The following GPC6 variants were observed in gnomAD, a reference collection of about 807,000 sequenced individuals.
The protein encoded by GPC6 is glypican-6.
A neutral mutation model predicts 55.2 loss-of-function variants in GPC6; 14 were observed. The ratio of observed to expected loss-of-function variants is 0.25; its 90% confidence interval spans 0.17 to 0.40. The LOEUF is 0.40. Ranked by LOEUF, GPC6 falls within the 10% of genes least tolerant of loss-of-function variation. The pLI is 1.00. For missense variants in GPC6, 641 were observed against 708.5 expected (o/e 0.90, Z 1.08); for synonymous variants, 278 against 259.6 (o/e 1.07, Z -0.68).
At chr13:94,165,952 A>G (rs1888354135) in intron 4 of GPC6, among the ~76,000 whole-genome samples, 1 of 152,200 alleles carries the variant, frequency 6.6e-6, no homozygotes, top group Admixed American at 6.5e-5. Flanking sequence ...TTATTTATAC[A>G]TACAGAAGAG....
intron 2 of GPC6, among the ~76,000 whole-genome samples, chr13:93,751,087 A>G (rs574958190): frequency 8.5e-5 from 13 of 152,316 alleles, no homozygotes; most frequent in Middle Eastern, 3.4e-3. Flanking sequence ...AGTGAGGAGT[A>G]CAGAGTTGGC....
chr13:93,853,820 GTTA>G (rs1466065176), intron 3 of GPC6, among the ~76,000 whole-genome samples: 1 of 151,594 alleles, frequency 6.6e-6, no homozygotes, highest in Non-Finnish European at 1.5e-5. Flanking sequence ...TAATATTTGT[GTTA>G]TTGTTGTCCT....
chr13:93,536,858 AT>A (rs1376290088), intron 1 of GPC6, among the ~76,000 whole-genome samples: 1 of 152,212 alleles, frequency 6.6e-6, no homozygotes, highest in Non-Finnish European at 1.5e-5. Flanking sequence ...AAAGGTATAG[AT>A]TAAAGTTTAT....
chr13:94,382,580 G>A lies in GPC6; in HGVS notation c.1289+30G>A, dbSNP rs1438335853. 3 of 1,613,218 alleles carry A rather than the reference G, an allele frequency of 1.9e-6. No individual in the cohort carries two copies. The East Asian group carries it at 6.7e-5, about 36-fold the overall frequency. ...GGGTGACTCGATGTGTGCATGGATG[G>A]GGGCACAGCACACCCAGCCTTGGAA... On this transcript the variant is annotated intron_variant, in intron 7 of 8. Coordinates refer to ENST00000377047, the MANE Select transcript of GPC6 (RefSeq NM_005708.5).
intron 4 of GPC6, among the ~76,000 whole-genome samples, chr13:94,271,238 G>A (rs1022630042): frequency 3.3e-5 from 5 of 151,618 alleles, no homozygotes; most frequent in African/African-American, 7.3e-5. Context: ...TGATCCACCC[G>A]TCTCGACCTC....
At chr13:94,187,905 A>T (rs1268512176) in intron 4 of GPC6, 2 of 152,204 alleles carry the variant, frequency 1.3e-5, no homozygotes, top group Non-Finnish European at 2.9e-5. Flanking sequence ...ATCCATACTG[A>T]ATTCCTGGGC....
intron 4 of GPC6, among the ~76,000 whole-genome samples, chr13:94,178,214 C>T (rs369655589): frequency 6.6e-6 from 1 of 151,922 alleles, no homozygotes; most frequent in African/African-American, 2.4e-5. Flanking sequence ...GGCCAGGTTG[C>T]TCTTGAACTC....
intron 1 of GPC6, among the ~76,000 whole-genome samples, chr13:93,228,964 A>G (rs563168794): frequency 1.3e-5 from 2 of 152,242 alleles, no homozygotes; most frequent in East Asian, 1.9e-4. Flanking sequence ...GCAAAGGGGG[A>G]AAAAAAGAGG....
chr13:93,765,232 T>TTGTCTGGAAAGACAACTTTCCAGATAATC (rs1885079705), intron 2 of GPC6, among the ~76,000 whole-genome samples: 1 of 94,760 alleles, frequency 1.1e-5, no homozygotes, highest in Non-Finnish European at 2.1e-5. Context: ...AAAAGATAAA[T>TTGTCTGGAAAGACAACTTTCCAGATAATC]TGTCTGGAAA....
chr13:93,327,187 C>T (rs564923673), intron 1 of GPC6, among the ~76,000 whole-genome samples: 2 of 152,116 alleles, frequency 1.3e-5, no homozygotes, highest in African/African-American at 4.8e-5. Flanking sequence ...TTACCTCTAT[C>T]TTTTTAATAA....
intron 1 of GPC6, among the ~76,000 whole-genome samples, chr13:93,343,961 C>T (rs192844290): frequency 2.4e-4 from 37 of 152,310 alleles, no homozygotes; most frequent in Admixed American, 1.4e-3. Context: ...TATATATCCA[C>T]GTCACCTCTT....
At chr13:93,780,249 A>G (rs867791329) in intron 2 of GPC6, among the ~76,000 whole-genome samples, 2 of 152,084 alleles carry the variant, frequency 1.3e-5, no homozygotes, top group African/African-American at 4.8e-5. Flanking sequence ...AGATTCATTT[A>G]TTGAAAACCA....
chr13:93,303,669 A>G lies in GPC6; in HGVS notation c.160+76053A>G, dbSNP rs189787817. On this transcript the variant is annotated intron_variant, in intron 1 of 8. Transcript: ENST00000377047. The stretch of plus-strand genomic sequence containing the variant: ...CTTAAATAAAATGGATGAATTACAT[A>G]CAATTTTTTTAAATACTTAGATAAT... Among the ~76,000 whole-genome samples, 90 of 152,238 alleles carry G rather than the reference A, an allele frequency of 5.9e-4. 1 individual carries two copies. The East Asian group carries it at 0.016, about 27-fold the overall frequency.
chr13:93,801,898 A>G (rs1293231555), intron 2 of GPC6, among the ~76,000 whole-genome samples: 1 of 152,180 alleles, frequency 6.6e-6, no homozygotes, highest in Non-Finnish European at 1.5e-5. Context: ...AATTCCATAC[A>G]TTGCTACCTT....
intron 4 of GPC6, among the ~76,000 whole-genome samples, chr13:94,096,999 T>C (rs12020258): frequency 4.4e-5 from 5 of 114,402 alleles, no homozygotes; most frequent in East Asian, 8.5e-4. Context: ...AATATGTTAA[T>C]ACCTATTATG....
intron 4 of GPC6, among the ~76,000 whole-genome samples, chr13:94,161,013 G>A (rs1888145593): frequency 6.6e-6 from 1 of 152,130 alleles, no homozygotes; most frequent in African/African-American, 2.4e-5. Context: ...GCCAGTGCCT[G>A]CCCCCACAGA....
intron 1 of GPC6, among the ~76,000 whole-genome samples, chr13:93,419,027 A>T (rs984931603): frequency 6.6e-6 from 1 of 151,008 alleles, no homozygotes; most frequent in South Asian, 2.1e-4. Context: ...ACTATGCCAT[A>T]GTATTATTTT....
At chr13:93,961,224 T>A (rs974742361) in intron 3 of GPC6, among the ~76,000 whole-genome samples, 8 of 152,198 alleles carry the variant, frequency 5.3e-5, no homozygotes, top group Non-Finnish European at 8.8e-5. Context: ...TAAGAGGAAA[T>A]TTAGAATCTG....
intron 2 of GPC6, among the ~76,000 whole-genome samples, chr13:93,817,555 T>C (rs1333400843): frequency 6.6e-6 from 1 of 152,126 alleles, no homozygotes; most frequent in Non-Finnish European, 1.5e-5. Flanking sequence ...AAACTTATAT[T>C]TTAAAAAATA....
Sources: allele counts gnomAD v4.1 joint callset (sites outside exome capture counted in the v4.1 genomes callset), GRCh38; gene constraint gnomAD v4.1.1; transcripts MANE v1.5; gene names NCBI Gene and HGNC (gene_info 2026-07-23, HGNC 2026-07-21).